The following NPAS3 variants were observed in gnomAD, a reference collection of about 807,000 sequenced individuals.
NPAS3 encodes neuronal PAS domain protein 3.
A neutral mutation model predicts 73.1 loss-of-function variants in NPAS3; 14 were observed. The observed-to-expected ratio is 0.19, with a 90% CI of 0.13 to 0.30. The LOEUF (loss-of-function observed/expected upper bound fraction) is 0.30. Ranked by LOEUF, NPAS3 falls within the 10% of genes least tolerant of loss-of-function variation. The pLI, the probability that NPAS3 is intolerant of heterozygous loss-of-function variation, is 1.00. For synonymous variants in NPAS3, 620 were observed against 541.5 expected (o/e 1.14, Z -2.01); for missense variants, 1,096 against 1,250.0 (o/e 0.88, Z 1.86).
rs77765368 is a variant in NPAS3, at chr14:33,296,797, C to T, written c.386-70389C>T. ...GCTGTGGTCAAGAATTTTATTAGTC[C>T]GGGTAAAATTATGTTTGTTTTCCTG... On this transcript the variant is annotated intron_variant, in intron 3 of 11. Transcript: ENST00000356141. Among the ~76,000 whole-genome samples, 820 of 152,134 alleles carry T rather than the reference C, an allele frequency of 5.4e-3. 5 individuals are homozygous for T. The highest frequency in any genetic ancestry group is 0.019 in the African/African-American group (777 of 41,492).
At chr14:33,229,394 CAA>C (rs759126346) in intron 3 of NPAS3, among the ~76,000 whole-genome samples, 2 of 152,086 alleles carry the variant, frequency 1.3e-5, no homozygotes, top group Non-Finnish European at 2.9e-5. Context: ...ATAGAAAGAT[CAA>C]AAGAGTAGCT....
intron 8 of NPAS3, among the ~76,000 whole-genome samples, chr14:33,776,424 T>C (rs2138489005): frequency 6.7e-6 from 1 of 149,670 alleles, no homozygotes; most frequent in East Asian, 2.0e-4. Context: ...AACTCATTAA[T>C]TCTTTTGACA....
intron 1 of NPAS3, among the ~76,000 whole-genome samples, chr14:32,970,603 AT>A (rs1380594099): frequency 1.3e-5 from 2 of 152,168 alleles, no homozygotes; most frequent in Non-Finnish European, 2.9e-5. Context: ...ACGTCTTTTC[AT>A]TCTGGAGGCT....
chr14:33,424,030 C>T (rs764784678), intron 4 of NPAS3, among the ~76,000 whole-genome samples: 9 of 151,926 alleles, frequency 5.9e-5, no homozygotes, highest in African/African-American at 2.2e-4. Flanking sequence ...ATGAAGGTGA[C>T]AAAACACTCA....
At chr14:33,522,364 G>A (rs961042439) in intron 4 of NPAS3, among the ~76,000 whole-genome samples, 9 of 151,818 alleles carry the variant, frequency 5.9e-5, no homozygotes, top group Admixed American at 5.2e-4. Context: ...AAGTGCCACC[G>A]CCACATTGCA....
At chr14:33,392,518 TAAG>T (rs2047051310) in intron 4 of NPAS3, among the ~76,000 whole-genome samples, 1 of 152,188 alleles carries the variant, frequency 6.6e-6, no homozygotes, top group Non-Finnish European at 1.5e-5. Flanking sequence ...AGTAGTAGCT[TAAG>T]AAGAAAAGTA....
At chr14:33,097,479 T>A (rs2042455950) in intron 2 of NPAS3, among the ~76,000 whole-genome samples, 1 of 152,234 alleles carries the variant, frequency 6.6e-6, no homozygotes, top group African/African-American at 2.4e-5. Flanking sequence ...CCCAATAGTG[T>A]AGATATGAAC....
At chr14:33,267,884 A>T (rs890626564) in intron 3 of NPAS3, among the ~76,000 whole-genome samples, 2 of 152,168 alleles carry the variant, frequency 1.3e-5, no homozygotes, top group African/African-American at 2.4e-5. Context: ...CTGCTCCTAC[A>T]TAGTGAAGAG....
At chr14:33,347,106 C>T (rs181985212) in intron 3 of NPAS3, among the ~76,000 whole-genome samples, 74 of 152,322 alleles carry the variant, frequency 4.9e-4, no homozygotes, top group African/African-American at 1.8e-3. Flanking sequence ...TCTCTTGGTA[C>T]AGTTCAGTTC....
chr14:33,710,651 C>T (rs907082585), intron 6 of NPAS3, among the ~76,000 whole-genome samples: 6 of 152,118 alleles, frequency 3.9e-5, no homozygotes, highest in African/African-American at 9.7e-5. Context: ...AGTGGGTCCC[C>T]GGAGAAAGGA....
intron 5 of NPAS3, among the ~76,000 whole-genome samples, chr14:33,612,777 A>G (rs1003456466): frequency 3.3e-5 from 5 of 152,298 alleles, no homozygotes; most frequent in South Asian, 2.1e-4. Flanking sequence ...GGAGACTTCA[A>G]AATTCTGTTT....
intron 3 of NPAS3, among the ~76,000 whole-genome samples, chr14:33,311,932 C>T (rs1288220526): frequency 1.3e-5 from 2 of 152,026 alleles, no homozygotes; most frequent in African/African-American, 4.8e-5. Flanking sequence ...GGGAAATAGG[C>T]ATGATATGTT....
chr14:33,645,045 C>T (rs1257387693), intron 5 of NPAS3, among the ~76,000 whole-genome samples: 2 of 147,850 alleles, frequency 1.4e-5, no homozygotes, highest in Non-Finnish European at 1.5e-5. Context: ...TGCACCACCA[C>T]ACTCCAGCCT....
intron 4 of NPAS3, among the ~76,000 whole-genome samples, chr14:33,424,694 A>G (rs1288020041): frequency 6.6e-6 from 1 of 151,602 alleles, no homozygotes; most frequent in Middle Eastern, 3.2e-3. Context: ...GGTGATGCCA[A>G]TCCATAAGTT....
At chr14:33,720,078 T>A (rs1016456829) in intron 6 of NPAS3, among the ~76,000 whole-genome samples, 1 of 152,156 alleles carries the variant, frequency 6.6e-6, no homozygotes, top group Non-Finnish European at 1.5e-5. Context: ...ATAATAATAT[T>A]GTTATTACCA....
intron 4 of NPAS3, among the ~76,000 whole-genome samples, chr14:33,553,175 G>C (rs1440695231): frequency 6.6e-6 from 1 of 152,172 alleles, no homozygotes; most frequent in African/African-American, 2.4e-5. Flanking sequence ...ATCCCTCAAG[G>C]CTGGAAGTAA....
chr14:33,278,008 C>T (rs2041414762), intron 3 of NPAS3, among the ~76,000 whole-genome samples: 1 of 151,990 alleles, frequency 6.6e-6, no homozygotes, highest in African/African-American at 2.4e-5. Context: ...GTGGCGTACA[C>T]TAAGGTATGG....
intron 5 of NPAS3, among the ~76,000 whole-genome samples, chr14:33,660,647 A>G (rs2059279409): frequency 6.6e-6 from 1 of 152,236 alleles, no homozygotes; most frequent in Non-Finnish European, 1.5e-5. Flanking sequence ...ACGCAAAGCC[A>G]TAGATGCTCT....
In NPAS3 at chr14:33,505,235, T is replaced by C. The variant is rs116087066; in HGVS notation, c.469-54886T>C. Among the ~76,000 whole-genome samples the C allele has an allele frequency of 2.3e-3, 344 of 152,108 alleles. 1 individual carries two copies. The highest frequency in any genetic ancestry group is 8.0e-3 in the African/African-American group (334 of 41,504). On this transcript the variant is annotated intron_variant, in intron 4 of 11. Coordinates refer to ENST00000356141, the Ensembl canonical transcript of NPAS3. ...TTTATTAACAGCTAAGAACTTATCT[T>C]ATAATTTCAATTGGCAGCTCAAGAT... is the stretch of plus-strand genomic sequence containing the variant.
Sources: gnomAD v4.1 joint callset for allele counts (sites outside exome capture counted in the v4.1 genomes callset) on GRCh38, gnomAD v4.1.1 for gene constraint, MANE v1.5 for transcripts, NCBI Gene and HGNC (gene_info 2026-07-23, HGNC 2026-07-21) for gene names.